The following MACC1 variants were observed in gnomAD, a reference collection of about 807,000 sequenced individuals.
MACC1 encodes MET transcriptional regulator MACC1, also known as metastasis-associated in colon cancer protein 1.
In MACC1, 79 loss-of-function variants were observed where a neutral mutation model predicts 70.7. That is an observed-to-expected ratio of 1.12 (90% CI 0.93 to 1.35). The LOEUF is 1.35. Among genes scored for constraint, MACC1 ranks in the 40% most tolerant of loss-of-function variants. The pLI, the probability that MACC1 is intolerant of heterozygous loss-of-function variation, is 0.00. For synonymous variants in MACC1, 361 were observed against 347.2 expected (o/e 1.04, Z -0.44); for missense variants, 1,106 against 978.1 (o/e 1.13, Z -1.74).
At chr7:20,175,607 T>C (rs191730618) in intron 1 of MACC1, among the ~76,000 whole-genome samples, 93 of 152,284 alleles carry the variant, frequency 6.1e-4, no homozygotes, top group Admixed American at 1.8e-3. Context: ...TATATTCATA[T>C]ATTAGGGGGT....
intron 5 of MACC1, among the ~76,000 whole-genome samples, chr7:20,156,063 A>G (rs887005311): frequency 6.6e-6 from 1 of 152,210 alleles, no homozygotes; most frequent in Non-Finnish European, 1.5e-5. Context: ...GAAGTGCTTT[A>G]GAGAGTGTCA....
At chr7:20,185,472 A>C (rs1013065607) in intron 1 of MACC1, among the ~76,000 whole-genome samples, 1 of 45,358 alleles carries the variant, frequency 2.2e-5, no homozygotes, top group African/African-American at 9.1e-5. Context: ...GGTGCTTACA[A>C]AGTTTATTTA....
At chr7:20,204,058 GA>G in intron 1 of MACC1, among the ~76,000 whole-genome samples, 1 of 152,270 alleles carries the variant, frequency 6.6e-6, no homozygotes, top group South Asian at 2.1e-4. Flanking sequence ...TTATACAGAA[GA>G]ATTGCTTTAG....
intron 1 of MACC1, among the ~76,000 whole-genome samples, chr7:20,185,296 T>C (rs1254471880): frequency 6.6e-6 from 1 of 152,168 alleles, no homozygotes; most frequent in Non-Finnish European, 1.5e-5. Flanking sequence ...TATTTATTCT[T>C]GCAAAATCTA....
In MACC1 at chr7:20,134,730, G is replaced by C. The variant is rs1220882287; in HGVS notation, c.*6216C>G. ...AGTAAATTCCATGTATTGAGTTTAA[G>C]TGAGCATATAAACATTAGGGACATT... On this transcript the variant is annotated 3_prime_UTR_variant, in exon 7 of 7. Coordinates refer to ENST00000400331, the MANE Select transcript of MACC1 (RefSeq NM_182762.4). The C allele has an allele frequency of 6.6e-6, 1 of 152,174 alleles. No homozygotes were observed. Among genetic ancestry groups the C allele is most frequent in the East Asian group, 1.9e-4 (1 of 5,198 alleles). The allele number at this position is 152,174 out of a possible 1,614,324, so 9.4% of individuals were successfully genotyped here.
intron 1 of MACC1, among the ~76,000 whole-genome samples, chr7:20,171,335 TC>T (rs1782303270): frequency 6.6e-6 from 1 of 151,518 alleles, no homozygotes; most frequent in Non-Finnish European, 1.5e-5. Context: ...CACTGCAAGC[TC>T]CGCCTCCCAG....
chr7:20,186,079 C>T (rs1469304845), intron 1 of MACC1, among the ~76,000 whole-genome samples: 1 of 152,180 alleles, frequency 6.6e-6, no homozygotes, highest in African/African-American at 2.4e-5. Flanking sequence ...ACAGAATTAT[C>T]GCCGAATGGA....
chr7:20,142,925 T>A (rs1207754804), intron 6 of MACC1, among the ~76,000 whole-genome samples: 1 of 152,182 alleles, frequency 6.6e-6, no homozygotes, highest in African/African-American at 2.4e-5. Flanking sequence ...AGTGATTGAG[T>A]CTGATAAATG....
intron 1 of MACC1, among the ~76,000 whole-genome samples, chr7:20,194,639 T>C (rs1475600810): frequency 1.3e-5 from 2 of 152,246 alleles, no homozygotes; most frequent in East Asian, 1.9e-4. Context: ...TTTACATTCA[T>C]GCAAAACATC....
At chr7:20,192,413 G>C (rs1782686789) in intron 1 of MACC1, among the ~76,000 whole-genome samples, 1 of 152,148 alleles carries the variant, frequency 6.6e-6, no homozygotes, top group African/African-American at 2.4e-5. Flanking sequence ...TCAAAATCTA[G>C]AACTATTGCC....
intron 1 of MACC1, among the ~76,000 whole-genome samples, chr7:20,212,963 G>A (rs1201755643): frequency 6.6e-6 from 1 of 152,150 alleles, no homozygotes; most frequent in Non-Finnish European, 1.5e-5. Context: ...TGAGATCAGG[G>A]ACTGGCTTAA....
chr7:20,135,794 A>G lies in MACC1; in HGVS notation c.*5152T>C, dbSNP rs1256626267. 1 of 152,232 alleles carries G rather than the reference A, an allele frequency of 6.6e-6. No individual in the cohort carries two copies. Among genetic ancestry groups the G allele is most frequent in the Non-Finnish European group, 1.5e-5 (1 of 68,042 alleles). 9.4% of individuals were successfully genotyped at this position (152,232 alleles called of 1,614,324 possible). A position where few individuals can be genotyped will look rare whatever the true frequency, so the allele number is the denominator to read the frequency against. On this transcript the variant is annotated 3_prime_UTR_variant, in exon 7 of 7. Coordinates refer to ENST00000400331, the MANE Select transcript of MACC1 (RefSeq NM_182762.4). ...ATGCTGACCTCCTAAGTCAGTACTC[A>G]AGCACCATACTGTAGTTTGTTTTAA...
intron 1 of MACC1, among the ~76,000 whole-genome samples, chr7:20,209,832 C>A (rs977054400): frequency 2.6e-5 from 4 of 152,122 alleles, no homozygotes; most frequent in South Asian, 2.1e-4. Flanking sequence ...GTGGGAGGAA[C>A]CTGATGAGAG....
In MACC1 at chr7:20,159,906, T is replaced by C. The variant is rs374370919; in HGVS notation, c.455A>G (p.His152Arg). 78 of 1,614,010 alleles carry C rather than the reference T, an allele frequency of 4.8e-5. No individual in the cohort carries two copies. Among genetic ancestry groups the C allele is most frequent in the Non-Finnish European group, 6.0e-5 (71 of 1,180,032 alleles). The change falls in exon 5 of 7, where the codon CAT becomes CGT. Residue 152 changes from histidine to arginine, a missense_variant. Physicochemically the swap from His to Arg is conservative, Grantham distance 29. Transcript: ENST00000400331. ...AGAGTTATGTATACTCTGATGGGCA[T>C]GTGCTGTGTCGTCTAAAATGTCCAG... ...ELLDILDDTA[H>R]AHQSIHNSDQ...
At chr7:20,209,078 G>A (rs1292028399) in intron 1 of MACC1, among the ~76,000 whole-genome samples, 2 of 152,184 alleles carry the variant, frequency 1.3e-5, no homozygotes, top group African/African-American at 4.8e-5. Context: ...GAAATGCCTG[G>A]ATATCTAGGC....
In MACC1 at chr7:20,158,515, C is replaced by A. The variant is rs138204898; in HGVS notation, c.1846G>T (p.Val616Leu). Residue 616 changes from valine to leucine, a missense_variant, in exon 5 of 7, where the codon GTG (valine) becomes TTG (leucine). Val to Leu is a conservative substitution (Grantham distance 32). Transcript: ENST00000400331. ...AACATTACTTGCTCCTTTGAAATCA[C>A]CTTGACATTTTTGCAGTGTACAAGT... ...IGLVHCKNVK[V>L]ISKEQVMFMS... 1.6e-4 allele frequency: 253 copies of A among 1,614,082 alleles called. No individual in the cohort carries two copies. The highest frequency in any genetic ancestry group is 3.3e-4 in the Middle Eastern group (2 of 6,060).
At chr7:20,168,577 AC>A (rs1056187240) in intron 2 of MACC1, among the ~76,000 whole-genome samples, 2 of 152,192 alleles carry the variant, frequency 1.3e-5, no homozygotes, top group African/African-American at 4.8e-5. Flanking sequence ...CCTCGGTCCC[AC>A]CTTTTACAGT....
intron 5 of MACC1, among the ~76,000 whole-genome samples, chr7:20,156,089 C>A (rs1276406385): frequency 6.6e-6 from 1 of 152,178 alleles, no homozygotes; most frequent in East Asian, 1.9e-4. Flanking sequence ...ATAAGGACAG[C>A]CAGTCTCAAT....
In MACC1 at chr7:20,159,480, G is replaced by A; in HGVS notation, c.881C>T (p.Ala294Val). Residue 294 changes from alanine to valine, a missense_variant, in exon 5 of 7, where the codon GCT (alanine) becomes GTT (valine). Coordinates refer to ENST00000400331, the MANE Select transcript of MACC1 (RefSeq NM_182762.4). ...EALLLEMKIGAEVRKDPFSQV... is the reference protein window; with the variant it reads ...EALLLEMKIGVEVRKDPFSQV... ...GCTGAAAGGATCCTTTCTTACTTCA[G>A]CCCCAATTTTCATCTCCAGCAAAAG... The A allele has an allele frequency of 6.2e-7, 1 of 1,614,004 alleles. No homozygotes were observed. The highest frequency in any genetic ancestry group is 8.5e-7 in the Non-Finnish European group (1 of 1,180,000).
Sources: gnomAD v4.1 joint callset for allele counts (sites outside exome capture counted in the v4.1 genomes callset) on GRCh38, gnomAD v4.1.1 for gene constraint, MANE v1.5 for transcripts, NCBI Gene and HGNC (gene_info 2026-07-23, HGNC 2026-07-21) for gene names.